BRINP1: variants seen among roughly 807,000 people sequenced by gnomAD.
BRINP1 encodes the protein BMP/retinoic acid inducible neural specific 1.
A neutral mutation model predicts 72.9 loss-of-function variants in BRINP1; 17 were observed. The observed-to-expected ratio is 0.23, with a 90% confidence interval of 0.16 to 0.35. The LOEUF (loss-of-function observed/expected upper bound fraction) is 0.35. Ranked by LOEUF, BRINP1 falls within the 10% of genes least tolerant of loss-of-function variation. The pLI is 1.00. For synonymous variants in BRINP1, 418 were observed against 378.5 expected (o/e 1.10, Z -1.21); for missense variants, 850 against 1,001.6 (o/e 0.85, Z 2.04).
chr9:119,279,241 A>G (rs1369097894), intron 2 of BRINP1, among the ~76,000 whole-genome samples: 1 of 152,232 alleles, frequency 6.6e-6, no homozygotes, highest in Admixed American at 6.5e-5. Context: ...ACATCACCTA[A>G]TGGATGTATT....
intron 4 of BRINP1, among the ~76,000 whole-genome samples, 198 bp from the exon 5 acceptor site, chr9:119,238,958 A>T (rs1830219189): frequency 6.6e-6 from 1 of 152,232 alleles, no homozygotes; most frequent in African/African-American, 2.4e-5. Context: ...AGGGTGGTCA[A>T]GCATACAGAG....
Position 119,277,598 on chromosome 9 carries a change from A to C in BRINP1, c.219-28448T>G, listed in dbSNP as rs77698258. On this transcript the variant is annotated intron_variant, in intron 2 of 7. Coordinates refer to ENST00000265922, the MANE Select transcript of BRINP1 (RefSeq NM_014618.3). ...ACAAGAGAGGAGCCTACTATGTCAG[A>C]ACTAGAAATAAATGCCAAAGCCATT... is the stretch of plus-strand genomic sequence containing the variant. 1.7e-3 allele frequency among the ~76,000 whole-genome samples: 256 copies of C among 152,308 alleles called. 2 individuals are homozygous for C. Among genetic ancestry groups the C allele is most frequent in the Non-Finnish European group, 3.1e-3 (208 of 68,030 alleles).
intron 1 of BRINP1, among the ~76,000 whole-genome samples, chr9:119,350,374 A>T (rs919009379): frequency 6.6e-6 from 1 of 152,124 alleles, no homozygotes; most frequent in African/African-American, 2.4e-5. Flanking sequence ...TATGGTATAC[A>T]ATTACTGGAA....
chr9:119,180,789 TAAGG>T (rs899208451), intron 7 of BRINP1, among the ~76,000 whole-genome samples: 1 of 152,088 alleles, frequency 6.6e-6, no homozygotes, highest in Non-Finnish European at 1.5e-5. Context: ...CTCATAATAA[TAAGG>T]AAGAAATACC....
At chr9:119,332,173 C>T (rs536351163) in intron 1 of BRINP1, among the ~76,000 whole-genome samples, 107 of 152,312 alleles carry the variant, frequency 7.0e-4, no homozygotes, top group African/African-American at 2.5e-3. Context: ...CAGAAGGCTA[C>T]GTCACCACTC....
At chr9:119,250,808 G>A (rs564307433) in intron 2 of BRINP1, among the ~76,000 whole-genome samples, 48 of 152,170 alleles carry the variant, frequency 3.2e-4, no homozygotes, top group African/African-American at 9.2e-4. Flanking sequence ...ACATGCTCTC[G>A]GTCCCTTGAG....
At chr9:119,333,252 G>A (rs1287689082) in intron 1 of BRINP1, among the ~76,000 whole-genome samples, 1 of 151,716 alleles carries the variant, frequency 6.6e-6, no homozygotes, top group Non-Finnish European at 1.5e-5. Flanking sequence ...TCTGAGCTCA[G>A]GAATTTGAGA....
intron 7 of BRINP1, among the ~76,000 whole-genome samples, chr9:119,172,189 C>T (rs1041240484): frequency 5.5e-4 from 83 of 152,008 alleles, no homozygotes; most frequent in Admixed American, 2.2e-3. Context: ...TTAATGAATC[C>T]AGGAGCTGGT....
intron 1 of BRINP1, among the ~76,000 whole-genome samples, chr9:119,342,169 T>C (rs1178283411): frequency 1.3e-5 from 2 of 151,646 alleles, no homozygotes; most frequent in Admixed American, 6.6e-5. Flanking sequence ...CAAAAATGGT[T>C]GTATTGTTTT....
chr9:119,187,297 G>A (rs1209771034), intron 7 of BRINP1, among the ~76,000 whole-genome samples: 1 of 151,736 alleles, frequency 6.6e-6, no homozygotes. Context: ...ACTCCGAAAG[G>A]AATTCAATTC....
At chr9:119,316,961 C>T (rs897085387) in intron 1 of BRINP1, among the ~76,000 whole-genome samples, 14 of 148,980 alleles carry the variant, frequency 9.4e-5, no homozygotes, top group African/African-American at 3.1e-4. Context: ...CATGGTGGTG[C>T]GCACCTGTAG....
intron 5 of BRINP1, among the ~76,000 whole-genome samples, chr9:119,219,158 G>A (rs993803784): frequency 6.6e-6 from 1 of 152,042 alleles, no homozygotes; most frequent in Non-Finnish European, 1.5e-5. Flanking sequence ...TTTTGTGTAA[G>A]CCACCCAGTC....
intron 3 of BRINP1, among the ~76,000 whole-genome samples, chr9:119,245,246 T>G (rs1830301777): frequency 6.6e-6 from 1 of 152,234 alleles, no homozygotes; most frequent in Non-Finnish European, 1.5e-5. Flanking sequence ...ATGTGAATGA[T>G]GTGTACACGT....
chr9:119,189,781 C>A (rs1168085428), intron 7 of BRINP1, among the ~76,000 whole-genome samples: 5 of 151,802 alleles, frequency 3.3e-5, no homozygotes, highest in African/African-American at 1.2e-4. Flanking sequence ...GAAAAATAAC[C>A]AAAATATACT....
In BRINP1 at chr9:119,182,365, A is replaced by G. The variant is rs139491017; in HGVS notation, c.1146-14141T>C. Among the ~76,000 whole-genome samples the G allele has an allele frequency of 5.9e-4, 90 of 152,366 alleles. No homozygotes were observed. In the East Asian group the frequency reaches 0.011, roughly 19 times the overall value. On this transcript the variant is annotated intron_variant, in intron 7 of 7. Coordinates refer to ENST00000265922, the MANE Select transcript of BRINP1 (RefSeq NM_014618.3). ...TTCATCAAAAGATACCATAGAATGA[A>G]AAGACAACTTTCAATGACAGAATAT...
intron 1 of BRINP1, among the ~76,000 whole-genome samples, chr9:119,315,417 C>G (rs1249501075): frequency 6.6e-6 from 1 of 151,990 alleles, no homozygotes; most frequent in Non-Finnish European, 1.5e-5. Flanking sequence ...GCACCATGAA[C>G]TGGACCCATA....
At chr9:119,208,618 C>G in intron 7 of BRINP1, 101 bp downstream of exon 7, 1 of 1,248,212 alleles carries the variant, frequency 8.0e-7, no homozygotes, top group Non-Finnish European at 1.1e-6. Flanking sequence ...TGTTTGCCAC[C>G]CCACAAATGC....
chr9:119,299,335 C>T (rs377723864), intron 2 of BRINP1, among the ~76,000 whole-genome samples: 2 of 152,152 alleles, frequency 1.3e-5, no homozygotes, highest in South Asian at 2.1e-4. Flanking sequence ...ACAAGTGGGC[C>T]GGGCGCGGTG....
intron 1 of BRINP1, among the ~76,000 whole-genome samples, chr9:119,335,905 T>C (rs1831341124): frequency 6.6e-6 from 1 of 152,182 alleles, no homozygotes; most frequent in African/African-American, 2.4e-5. Context: ...TGATGGCCCA[T>C]AGAGAAGAGA....
Sources: allele counts gnomAD v4.1 joint callset (sites outside exome capture counted in the v4.1 genomes callset), GRCh38; gene constraint gnomAD v4.1.1; transcripts MANE v1.5; gene names NCBI Gene and HGNC (gene_info 2026-07-23, HGNC 2026-07-21).